The following TMEM164 variants were observed in gnomAD, a reference collection of about 807,000 sequenced individuals.
TMEM164 encodes RP13-360B22.2.
TMEM164 carries 4 observed loss-of-function variants against 18.8 expected under a neutral mutation model. The observed-to-expected ratio is 0.21, with a 90% CI of 0.10 to 0.49. The LOEUF is 0.49. Ranked by LOEUF, TMEM164 falls within the 20% of genes least tolerant of loss-of-function variation. TMEM164 has a pLI of 0.98. For synonymous variants in TMEM164, 86 were observed against 101.7 expected, an observed-to-expected ratio of 0.85 and a Z score of 0.93; for missense variants, 108 against 239.9, an observed-to-expected ratio of 0.45 and a Z score of 3.63.
chrX:110,079,693 C>T (rs1473976501), intron 3 of TMEM164, among the ~76,000 whole-genome samples: 3 of 111,128 alleles, frequency 2.7e-5, no homozygotes, highest in East Asian at 5.7e-4. Context: ...TGTTGGCTAT[C>T]GTTTCTGCTA....
chrX:110,163,724 C>T (rs2067123380), intron 5 of TMEM164, among the ~76,000 whole-genome samples: 1 of 111,933 alleles, frequency 8.9e-6, no homozygotes, highest in Admixed American at 9.5e-5. Context: ...AAATTGTTGA[C>T]ATAAGATGAC....
chrX:110,003,185 G>A lies in TMEM164; in HGVS notation c.-275+7G>A, dbSNP rs1282619987. ...AGAGATCCCTCTGTGGCGAGTGCGT[G>A]AGACGAGGAGTCCGGCGTCCCTGCC... is the stretch of plus-strand genomic sequence containing the variant. On this transcript the variant is annotated splice_region_variant and intron_variant, in intron 1 of 6. Coordinates refer to ENST00000372068, the MANE Select transcript of TMEM164 (RefSeq NM_032227.4). 1 of 112,932 alleles carries A rather than the reference G, an allele frequency of 8.9e-6. No individual in the cohort carries two copies. Among genetic ancestry groups the A allele is most frequent in the African/African-American group, 3.2e-5 (1 of 30,957 alleles). The allele number at this position is 112,932 out of a possible 1,213,427, so 9.3% of individuals were successfully genotyped here. A position where few individuals can be genotyped will look rare whatever the true frequency, so the allele number is the denominator to read the frequency against.
At chrX:110,156,544 G>A (rs1429902449) in intron 5 of TMEM164, among the ~76,000 whole-genome samples, 2 of 111,655 alleles carry the variant, frequency 1.8e-5, no homozygotes, top group Admixed American at 1.9e-4. Context: ...CATTAACTGA[G>A]AAGAGGGCGC....
intron 3 of TMEM164, among the ~76,000 whole-genome samples, chrX:110,098,950 AT>A (rs772519388): frequency 0.03 from 2,558 of 84,960 alleles, 95 homozygotes; most frequent in African/African-American, 0.1. Context: ...CACCCGGCTA[AT>A]TTTTTTTTTT....
At chrX:110,126,210 A>T (rs2066526085) in intron 4 of TMEM164, among the ~76,000 whole-genome samples, 1 of 111,690 alleles carries the variant, frequency 9.0e-6, no homozygotes. Flanking sequence ...GCCCTCTGGG[A>T]GTCATCCTAT....
At chrX:110,009,315 T>C (rs922708649) in intron 2 of TMEM164, among the ~76,000 whole-genome samples, 7 of 112,190 alleles carry the variant, frequency 6.2e-5, no homozygotes, top group Non-Finnish European at 1.1e-4. Context: ...AACCTTTCCA[T>C]AGGAGCCTGA....
intron 5 of TMEM164, among the ~76,000 whole-genome samples, chrX:110,150,416 G>C (rs1464970675): frequency 8.9e-6 from 1 of 112,245 alleles, no homozygotes; most frequent in African/African-American, 3.2e-5. Flanking sequence ...CCAAAGCTAT[G>C]GGAAGCCTGT....
intron 5 of TMEM164, among the ~76,000 whole-genome samples, chrX:110,158,050 C>A (rs1326046351): frequency 9.2e-6 from 1 of 108,277 alleles, no homozygotes; most frequent in Non-Finnish European, 1.9e-5. Flanking sequence ...CCATGCTTGG[C>A]TAATTTTTAT....
rs1243881624 is a variant in TMEM164 at position 110,056,298 on chromosome X, C to T, written c.391-11049C>T. ...AATTATAATATGTGACCTTTTTCCA[C>T]TGGCTTCTTTCACTTAGTATGTTTT... On this transcript the variant is annotated intron_variant, in intron 2 of 6. Transcript: ENST00000372068. 6.3e-5 allele frequency among the ~76,000 whole-genome samples: 7 copies of T among 111,261 alleles called. No individual in the cohort carries two copies. In the Admixed American group the frequency reaches 6.7e-4, roughly 11 times the overall value.
At chrX:110,110,661 C>G (rs1255993103) in intron 4 of TMEM164, among the ~76,000 whole-genome samples, 1 of 112,213 alleles carries the variant, frequency 8.9e-6, no homozygotes, top group Non-Finnish European at 1.9e-5. Context: ...GCTTGTCAGG[C>G]CCCATCCCCA....
At chrX:110,046,123 T>C (rs909543891) in intron 2 of TMEM164, 4 of 752,872 alleles carry the variant, frequency 5.3e-6, no homozygotes, top group Non-Finnish European at 3.1e-6. Flanking sequence ...CTGAAGACTA[T>C]TCTAGGTATT....
At chrX:110,020,975 A>G (rs1352108069) in intron 2 of TMEM164, among the ~76,000 whole-genome samples, 1 of 105,427 alleles carries the variant, frequency 9.5e-6, no homozygotes, top group Non-Finnish European at 2.0e-5. Context: ...TTCTAAAAAA[A>G]AAAAAAAAAA....
At chrX:110,135,059 TA>T (rs936000164) in intron 4 of TMEM164, among the ~76,000 whole-genome samples, 4 of 98,451 alleles carry the variant, frequency 4.1e-5, no homozygotes, top group South Asian at 4.1e-4. Context: ...TCATTTGTTA[TA>T]AAAAATATAT....
intron 4 of TMEM164, among the ~76,000 whole-genome samples, chrX:110,110,476 G>GC (rs1414915321): frequency 8.9e-6 from 1 of 112,076 alleles, no homozygotes; most frequent in Non-Finnish European, 1.9e-5. Flanking sequence ...CTGATGCGCT[G>GC]CCCCACCCTT....
At chrX:110,054,855 G>A (rs1379768977) in intron 2 of TMEM164, among the ~76,000 whole-genome samples, 8 of 112,021 alleles carry the variant, frequency 7.1e-5, no homozygotes. Context: ...CTGATAAGTC[G>A]ATTGATGATG....
chrX:110,038,139 C>T (rs992915660), intron 2 of TMEM164, among the ~76,000 whole-genome samples: 2 of 108,170 alleles, frequency 1.8e-5, no homozygotes, highest in African/African-American at 6.8e-5. Flanking sequence ...TACAGGCGCC[C>T]GCCACTACGC....
chrX:110,166,691 G>A (rs952878295), intron 5 of TMEM164, among the ~76,000 whole-genome samples: 26 of 112,141 alleles, frequency 2.3e-4, no homozygotes, highest in Non-Finnish European at 4.3e-4. Flanking sequence ...TATTATCTAG[G>A]TTTTCCCCTA....
Position 110,108,740 on chromosome X carries a change from T to A in TMEM164, c.441-340T>A, listed in dbSNP as rs1602639948. Among the ~76,000 whole-genome samples the A allele has an allele frequency of 2.7e-5, 3 of 112,071 alleles. No individual in the cohort carries two copies. In the South Asian group the frequency reaches 1.1e-3, roughly 42 times the overall value. On this transcript the variant is annotated intron_variant, in intron 3 of 6. Coordinates refer to ENST00000372068, the MANE Select transcript of TMEM164 (RefSeq NM_032227.4). Reference sequence around the variant, plus strand: ...CTTACCTCCCGCAGTTCCCCTTTTCTAATGCCGCCCAAGCTGTAGCAGTTG... The same window carrying A: ...CTTACCTCCCGCAGTTCCCCTTTTCAAATGCCGCCCAAGCTGTAGCAGTTG...
intron 3 of TMEM164, among the ~76,000 whole-genome samples, chrX:110,104,173 T>G (rs915118407): frequency 3.6e-5 from 4 of 112,142 alleles, no homozygotes; most frequent in Admixed American, 2.8e-4. Context: ...GACTGTACAT[T>G]GTGCCATCGT....
Sources: allele counts gnomAD v4.1 joint callset (sites outside exome capture counted in the v4.1 genomes callset), GRCh38; gene constraint gnomAD v4.1.1; transcripts MANE v1.5; gene names NCBI Gene and HGNC (gene_info 2026-07-23, HGNC 2026-07-21).